Variants in TMEM132A observed in about 807,000 individuals in gnomAD.
The protein encoded by TMEM132A is GRP78-binding protein.
In TMEM132A, 48 loss-of-function variants were observed where a neutral mutation model predicts 69.9. That is an observed-to-expected ratio of 0.69 (90% CI 0.55 to 0.87). The LOEUF is 0.87. Ranked by LOEUF, TMEM132A falls within the 40% of genes least tolerant of loss-of-function variation. The pLI is 0.00. For missense variants in TMEM132A, 1,287 were observed against 1,407.2 expected (o/e 0.91, Z 1.37); for synonymous variants, 577 against 613.7 (o/e 0.94, Z 0.88).
rs564471954 is a variant in TMEM132A, at chr11:60,929,830, C to T, written c.867-680C>T. ...GCAGATCTTTCCTAGACACTTACAGCCTGCCAAGCCCTGTGTCTTCACTCT... is the reference window on the plus strand; with the variant it reads ...GCAGATCTTTCCTAGACACTTACAGTCTGCCAAGCCCTGTGTCTTCACTCT... On this transcript the variant is annotated intron_variant, in intron 4 of 10. Transcript: ENST00000453848. Among the ~76,000 whole-genome samples, 223 of 152,316 alleles carry T rather than the reference C, an allele frequency of 1.5e-3. 1 individual carries two copies. Among genetic ancestry groups the T allele is most frequent in the Non-Finnish European group, 2.7e-3 (184 of 68,034 alleles).
rs970556780 is a variant in TMEM132A, at chr11:60,927,942, C to T, written c.534+83C>T. 8 of 1,271,988 alleles carry T rather than the reference C, an allele frequency of 6.3e-6. No individual in the cohort carries two copies. The African/African-American group carries it at 1.2e-4, about 19-fold the overall frequency. 78.8% of individuals were successfully genotyped at this position (1,271,988 alleles called of 1,614,324 possible). ...GGGCCCGCGGCAGAGAGGAAACCCC[C>T]ACTCCTGGGAAGCGCGGGGGTTGTG... On this transcript the variant is annotated intron_variant, in intron 3 of 10. Coordinates refer to ENST00000453848, the MANE Select transcript of TMEM132A (RefSeq NM_178031.3).
chr11:60,936,426 T>C lies in TMEM132A; in HGVS notation c.2591T>C (p.Phe864Ser), dbSNP rs1156916775. 2 of 1,614,160 alleles carry C rather than the reference T, an allele frequency of 1.2e-6. No individual in the cohort carries two copies. Among genetic ancestry groups the C allele is most frequent in the Admixed American group, 1.7e-5 (1 of 60,028 alleles). ...GTCTTCTGCGTGGCCATCTTCATCT[T>C]CTTGGTCAATGGTGTGGTCTTCGTC... is the stretch of plus-strand genomic sequence containing the variant. Reference protein sequence around the residue: ...LGVFCVAIFIFLVNGVVFVLR... With the variant: ...LGVFCVAIFISLVNGVVFVLR... The change falls in exon 11 of 11, where the codon TTC becomes TCC. Residue 864 changes from phenylalanine (F) to serine (S), a missense_variant. By Grantham distance (155) the Phe-to-Ser change is radical (BLOSUM62 -2). Transcript: ENST00000453848.
intron 4 of TMEM132A, 121 bp downstream of exon 4, chr11:60,929,081 C>G: frequency 1.1e-6 from 1 of 952,164 alleles, no homozygotes; most frequent in Non-Finnish European, 1.6e-6. Context: ...CATGTGTCCA[C>G]CAAACTAAAC....
In TMEM132A at chr11:60,936,067, G is replaced by A. The variant is rs745704124; in HGVS notation, c.2232G>A (p.Pro744=). Residue 744 remains proline, a synonymous_variant, in exon 11 of 11, where the codon CCG becomes CCA. Transcript: ENST00000453848. ...EGLPLHVALH[P]PEPCRRGRHR... is the part of the protein sequence containing the mutation. ...TGCCGCTGCATGTGGCTCTGCACCC[G>A]CCCGAGCCCTGCCGCCGGGGCCGCC... is the stretch of plus-strand genomic sequence containing the variant. 56 of 1,606,294 alleles carry A rather than the reference G, an allele frequency of 3.5e-5. No individual in the cohort carries two copies. The African/African-American group carries it at 4.1e-4, about 12-fold the overall frequency.
At position 60,935,452 on chromosome 11, in the gene TMEM132A, TG is replaced by T. The variant is rs1265828953; in HGVS notation, c.2028+15del. On this transcript the variant is annotated intron_variant, in intron 10 of 10. Coordinates refer to ENST00000453848, the MANE Select transcript of TMEM132A (RefSeq NM_178031.3). This position sits in a 1 kb window ranked among gnomAD's most constrained non-coding sequence, Gnocchi z 5.0. ...TTCCCGCCCCAAAGCAGGTGACAGT[TG>T]GGGGGTCAGGGGGATGAGGTCAACA... The T allele has an allele frequency of 6.3e-7, 1 of 1,592,696 alleles. No individual in the cohort carries two copies. The highest frequency in any genetic ancestry group is 1.1e-5 in the South Asian group (1 of 87,796).
rs368725034 is a variant in TMEM132A at position 60,927,267 on chromosome 11, C to G, written c.164C>G (p.Ala55Gly). ...CCGGCAGCCCTGGAGCTCCTAGACGCCCCTGAACACTTCCGTGTGCAGCAG... is the reference window on the plus strand; with the variant it reads ...CCGGCAGCCCTGGAGCTCCTAGACGGCCCTGAACACTTCCGTGTGCAGCAG... ...YLPAALELLD[A>G]PEHFRVQQVG... Residue 55 changes from alanine to glycine, a missense_variant, in exon 2 of 11, where the codon GCC (alanine) becomes GGC (glycine). Transcript: ENST00000453848. The G allele has an allele frequency of 3.1e-6, 5 of 1,613,506 alleles. No individual in the cohort carries two copies. The African/African-American group carries it at 5.3e-5, about 17-fold the overall frequency.
In TMEM132A at chr11:60,935,009, G is replaced by A. The variant is rs1856557732; in HGVS notation, c.1837-243G>A. 6.6e-6 allele frequency among the ~76,000 whole-genome samples: 1 copy of A among 152,178 alleles called. No homozygotes were observed. The highest frequency in any genetic ancestry group is 2.1e-4 in the South Asian group (1 of 4,838). On this transcript the variant is annotated intron_variant, in intron 9 of 10. Transcript: ENST00000453848. The surrounding 1 kb of genome is among the most constrained non-coding windows in gnomAD (Gnocchi z 5.0). ...GTGGGGACCGGGTCTTGAGGGAAAA[G>A]GGAACTGCCCCCTAGGTGTGGGATT... is the stretch of plus-strand genomic sequence containing the variant.
At chr11:60,927,155 C>G in intron 1 of TMEM132A, 49 bp from the exon 2 acceptor site, 6 of 1,547,184 alleles carry the variant, frequency 3.9e-6, no homozygotes, top group Non-Finnish European at 5.3e-6. Flanking sequence ...CGGGTCAGCC[C>G]CTGCCAGCTC....
At position 60,935,298 on chromosome 11, in the gene TMEM132A, C is replaced by A; in HGVS notation, c.1883C>A (p.Ala628Asp). 1.9e-6 allele frequency: 3 copies of A among 1,612,786 alleles called. No individual in the cohort carries two copies. The highest frequency in any genetic ancestry group is 2.5e-6 in the Non-Finnish European group (3 of 1,179,714). Residue 628 changes from alanine (A) to aspartate (D), a missense_variant, in exon 10 of 11, where the codon GCT (alanine) becomes GAT (aspartate). Transcript: ENST00000453848. This position sits in a 1 kb window ranked among gnomAD's most constrained non-coding sequence, Gnocchi z 5.0. ...SDSILGEQAL[A>D]VTDDKVSVLE... is the part of the protein sequence containing the mutation. ...TCCATCCTGGGGGAGCAGGCGCTGG[C>A]TGTGACGGACGACAAGGTCTCAGTG...
At chr11:60,925,210 C>A (rs1856324149) in intron 1 of TMEM132A, 1 of 153,968 alleles carries the variant, frequency 6.5e-6, no homozygotes. Context: ...TCCCCCAGGG[C>A]TCCCTGACCT....
rs944605036 is a variant in TMEM132A, at chr11:60,933,490, A to G, written c.1357-52A>G. On this transcript the variant is annotated intron_variant, in intron 7 of 10. Coordinates refer to ENST00000453848, the MANE Select transcript of TMEM132A (RefSeq NM_178031.3). ...TGAGCCACCCACCCGGCCCAGCCTCACACCTGTCTTTAGTGGCTTAGCCCG... is the reference window on the plus strand; with the variant it reads ...TGAGCCACCCACCCGGCCCAGCCTCGCACCTGTCTTTAGTGGCTTAGCCCG... The G allele has an allele frequency of 3.3e-6, 5 of 1,516,058 alleles. No homozygotes were observed. In the African/African-American group the frequency reaches 6.8e-5, roughly 21 times the overall value. 93.9% of individuals were successfully genotyped at this position (1,516,058 alleles called of 1,614,324 possible).
Position 60,936,516 on chromosome 11 carries a change from A to G in TMEM132A, c.2681A>G (p.Asn894Ser), listed in dbSNP as rs749521889. ...GACCCCACCTCCCCCCAGCCCCACA[A>G]CTGGGTCTGGCTGGGCACTGACCAG... ...ATDPTSPQPHNWVWLGTDQEE... is the reference protein window; with the variant it reads ...ATDPTSPQPHSWVWLGTDQEE... The change falls in exon 11 of 11, where the codon AAC (asparagine) becomes AGC (serine). Residue 894 changes from asparagine to serine, a missense_variant. Transcript: ENST00000453848. 14 of 1,613,876 alleles carry G rather than the reference A, an allele frequency of 8.7e-6. No homozygotes were observed. The highest frequency in any genetic ancestry group is 1.1e-5 in the Non-Finnish European group (13 of 1,179,982).
chr11:60,931,323 T>C (rs915769080), intron 5 of TMEM132A, among the ~76,000 whole-genome samples: 4 of 152,248 alleles, frequency 2.6e-5, no homozygotes, highest in Admixed American at 6.5e-5. Flanking sequence ...GTCAAGTGTC[T>C]GGTCCTGGGA....
At position 60,935,204 on chromosome 11, in the gene TMEM132A, GC is replaced by G. The variant is rs764968259; in HGVS notation, c.1837-47del. 3.1e-5 allele frequency: 48 copies of G among 1,537,704 alleles called. 1 individual carries two copies. The South Asian group carries it at 5.7e-4, about 18-fold the overall frequency. Reference sequence around the variant, plus strand: ...AGCACCCGGTTCCCTCTGGGTGGGGGCTGTCTGTATGGAAGGCCCCCCACCT... The same window carrying G: ...AGCACCCGGTTCCCTCTGGGTGGGGGTGTCTGTATGGAAGGCCCCCCACCT... On this transcript the variant is annotated intron_variant, in intron 9 of 10. Coordinates refer to ENST00000453848, the MANE Select transcript of TMEM132A (RefSeq NM_178031.3). This position sits in a 1 kb window ranked among gnomAD's most constrained non-coding sequence, Gnocchi z 5.0.
chr11:60,934,870 G>C, intron 9 of TMEM132A, 106 bp downstream of exon 9: 1 of 1,251,998 alleles, frequency 8.0e-7, no homozygotes, highest in Non-Finnish European at 1.1e-6. Context: ...CAGAGTGTGT[G>C]GGGGAGTTGT....
In TMEM132A at chr11:60,933,773, G is replaced by C. The variant is rs369934839; in HGVS notation, c.1559+29G>C. 244 of 1,538,358 alleles carry C rather than the reference G, an allele frequency of 1.6e-4. 1 individual carries two copies. The African/African-American group carries it at 3.2e-3, about 20-fold the overall frequency. On this transcript the variant is annotated intron_variant, in intron 8 of 10. Coordinates refer to ENST00000453848, the MANE Select transcript of TMEM132A (RefSeq NM_178031.3). ...AGTGGAGGCCTGAGGAAGCTGGCAG[G>C]CCTTGGCGAGTCACACTGGGACGGA...
chr11:60,936,651 G>A lies in TMEM132A; in HGVS notation c.2816G>A (p.Gly939Asp), dbSNP rs199588097. ...GGGEAPTLAP[G>D]PPGGTTSSSS... ...GGGGAGGCCCCTACCCTGGCCCCTGGCCCTCCTGGGGGCACCACCAGCTCC... is the reference window on the plus strand; with the variant it reads ...GGGGAGGCCCCTACCCTGGCCCCTGACCCTCCTGGGGGCACCACCAGCTCC... Residue 939 changes from glycine (G) to aspartate (D), a missense_variant, in exon 11 of 11, where the codon GGC (glycine) becomes GAC (aspartate). By Grantham distance (94) the Gly-to-Asp change is moderately conservative (BLOSUM62 -1). Coordinates refer to ENST00000453848, the MANE Select transcript of TMEM132A (RefSeq NM_178031.3). 662 of 1,555,040 alleles carry A rather than the reference G, an allele frequency of 4.3e-4. 2 individuals carry two copies. The East Asian group carries it at 0.013, about 31-fold the overall frequency.
chr11:60,936,703 T>G lies in TMEM132A; in HGVS notation c.2868T>G (p.Ala956=). 6.4e-7 allele frequency: 1 copy of G among 1,573,550 alleles called. No individual in the cohort carries two copies. The highest frequency in any genetic ancestry group is 8.6e-7 in the Non-Finnish European group (1 of 1,159,878). The change falls in exon 11 of 11, where the codon GCT becomes GCG. Residue 956 remains alanine (A), a synonymous_variant. Transcript: ENST00000453848. ...SSSSTLARKE[A]GGRRKRVEFV... is the part of the protein sequence containing the mutation. ...CAAGCACCCTGGCCCGAAAGGAGGC[T>G]GGGGGGCGGCGGAAGCGAGTAGAGT...
At chr11:60,928,991 G>A (rs756801440) in intron 4 of TMEM132A, 31 bp downstream of exon 4, 2 of 1,607,472 alleles carry the variant, frequency 1.2e-6, no homozygotes, top group Non-Finnish European at 1.7e-6. Context: ...ATGGGTGAGG[G>A]TGGGAACCTC....
Sources: allele counts gnomAD v4.1 joint callset (sites outside exome capture counted in the v4.1 genomes callset), GRCh38; gene constraint gnomAD v4.1.1; non-coding constraint Gnocchi (gnomAD v3.1); transcripts MANE v1.5; gene names NCBI Gene and HGNC (gene_info 2026-07-23, HGNC 2026-07-21).